CHD9: variants seen among roughly 807,000 people sequenced by gnomAD.
CHD9 encodes chromodomain helicase DNA binding protein 9.
A neutral mutation model predicts 316.1 loss-of-function variants in CHD9; 77 were observed. The observed-to-expected ratio is 0.24, with a 90% CI of 0.20 to 0.29. CHD9 has a LOEUF of 0.29. Ranked by LOEUF, CHD9 falls within the 10% of genes least tolerant of loss-of-function variation. The pLI, the probability that CHD9 is intolerant of heterozygous loss-of-function variation, is 1.00. For missense variants in CHD9, 2,763 were observed against 3,438.1 expected (o/e 0.80, Z 4.91); for synonymous variants, 1,129 against 1,158.3 (o/e 0.97, Z 0.51).
chr16:53,306,429 ATTT>A (rs1457812502), intron 32 of CHD9, 32 bp downstream of exon 32: 1 of 1,497,242 alleles, frequency 6.7e-7, no homozygotes. Context: ...GGGATAGGTC[ATTT>A]TTTAGTATTT....
intron 1 of CHD9, among the ~76,000 whole-genome samples, chr16:53,122,825 G>A (rs2038801757): frequency 6.6e-6 from 1 of 151,844 alleles, no homozygotes; most frequent in Admixed American, 6.6e-5. Context: ...TCCTGCCTCA[G>A]CCTCCCGAGT....
At chr16:53,239,342 T>C (rs530579599) in intron 12 of CHD9, among the ~76,000 whole-genome samples, 2 of 152,020 alleles carry the variant, frequency 1.3e-5, no homozygotes, top group Non-Finnish European at 2.9e-5. Flanking sequence ...CTTAACACTT[T>C]GGGAGGCCGA....
At chr16:53,223,880 C>T (rs1413193844) in intron 4 of CHD9, among the ~76,000 whole-genome samples, 2 of 151,826 alleles carry the variant, frequency 1.3e-5, no homozygotes, top group Non-Finnish European at 2.9e-5. Context: ...CTTTTAACCA[C>T]GTTGGAAACT....
chr16:53,221,177 C>T (rs547378864), intron 3 of CHD9, among the ~76,000 whole-genome samples: 9 of 152,188 alleles, frequency 5.9e-5, no homozygotes, highest in Non-Finnish European at 1.3e-4. Context: ...CAAGACTGTG[C>T]TAAGAGCCAA....
chr16:53,195,389 A>G (rs75858418), intron 2 of CHD9, among the ~76,000 whole-genome samples: 2,510 of 152,322 alleles, frequency 0.016, 79 homozygotes, highest in African/African-American at 0.057. Context: ...AAATTACCAC[A>G]TATTTAGTCT....
intron 1 of CHD9, among the ~76,000 whole-genome samples, chr16:53,091,010 C>CG (rs2035895815): frequency 6.8e-6 from 1 of 146,556 alleles, no homozygotes; most frequent in Non-Finnish European, 1.5e-5. Flanking sequence ...CACCCCCCCC[C>CG]GACTGACCGC....
chr16:53,208,355 A>G (rs1013554299), intron 2 of CHD9: 6 of 1,279,140 alleles, frequency 4.7e-6, no homozygotes, highest in Non-Finnish European at 6.1e-6. Flanking sequence ...AGGGTAAGTG[A>G]AAGCCTGAAT....
chr16:53,060,761 A>C (rs2032777840), intron 1 of CHD9, among the ~76,000 whole-genome samples: 1 of 151,904 alleles, frequency 6.6e-6, no homozygotes, highest in Admixed American at 6.6e-5. Context: ...GTCTCAAAAA[A>C]CAAACGAAAA....
intron 8 of CHD9, among the ~76,000 whole-genome samples, chr16:53,230,085 A>G (rs894031440): frequency 6.6e-6 from 1 of 152,168 alleles, no homozygotes; most frequent in African/African-American, 2.4e-5. Flanking sequence ...TAAAGGGTAC[A>G]GCTCATTTTG....
Position 53,192,975 on chromosome 16 carries a change from C to T in CHD9, c.1453-16507C>T, listed in dbSNP as rs546585160. Among the ~76,000 whole-genome samples the T allele has an allele frequency of 1.4e-4, 21 of 151,928 alleles. No individual in the cohort carries two copies. The South Asian group carries it at 2.7e-3, about 20-fold the overall frequency. ...TTTTTGTTAACCATATGTTTTCACTCTCGGGTAAATATATAAGTGTAAAAT... is the reference window on the plus strand; with the variant it reads ...TTTTTGTTAACCATATGTTTTCACTTTCGGGTAAATATATAAGTGTAAAAT... On this transcript the variant is annotated intron_variant, in intron 2 of 38. Coordinates refer to ENST00000447540, the MANE Select transcript of CHD9 (RefSeq NM_001308319.2).
Position 53,146,426 on chromosome 16 carries a change from T to TATATATATAATAAA in CHD9, c.-164-9491_-164-9490insATAAAATATATATA, listed in dbSNP as rs1367447378. Among the ~76,000 whole-genome samples, 6 of 129,272 alleles carry TATATATATAATAAA rather than the reference T, an allele frequency of 4.6e-5. 1 individual carries two copies. Among genetic ancestry groups the TATATATATAATAAA allele is most frequent in the Non-Finnish European group, 6.4e-5 (4 of 62,160 alleles). 84.8% of individuals were successfully genotyped at this position (129,272 alleles called of 152,430 possible). On this transcript the variant is annotated intron_variant, in intron 1 of 38. Transcript: ENST00000447540. Reference sequence around the variant, plus strand: ...AATTGTGTGTGTGTGTATGTATATATATATATATATAATTAAAAAGTTCCA... The same window carrying TATATATATAATAAA: ...AATTGTGTGTGTGTGTATGTATATATATATATATAATAAAATATATATATAATTAAAAAGTTCCA...
intron 1 of CHD9, among the ~76,000 whole-genome samples, chr16:53,105,297 G>A (rs1313183265): frequency 2.0e-5 from 3 of 151,884 alleles, no homozygotes; most frequent in Non-Finnish European, 2.9e-5. Context: ...TTTCTTATGG[G>A]CCTTTCCAGA....
chr16:53,273,086 CAAAA>C (rs35764863), intron 22 of CHD9, among the ~76,000 whole-genome samples: 2 of 136,380 alleles, frequency 1.5e-5, no homozygotes, highest in Non-Finnish European at 3.2e-5. Flanking sequence ...GACTCTGTCT[CAAAA>C]AAAACAAAAC....
At chr16:53,107,765 C>T (rs1408318606) in intron 1 of CHD9, among the ~76,000 whole-genome samples, 1 of 152,106 alleles carries the variant, frequency 6.6e-6, no homozygotes, top group Non-Finnish European at 1.5e-5. Context: ...ATTTATCAAA[C>T]CTTTATTGAG....
intron 2 of CHD9, among the ~76,000 whole-genome samples, chr16:53,203,263 A>G (rs2045607480): frequency 6.6e-6 from 1 of 152,218 alleles, no homozygotes; most frequent in African/African-American, 2.4e-5. Context: ...AATTATCTTT[A>G]TAATACCAAA....
chr16:53,157,589 C>T (rs751714150), intron 2 of CHD9, 48 bp downstream of exon 2: 7 of 1,527,710 alleles, frequency 4.6e-6, no homozygotes, highest in Non-Finnish European at 6.2e-6. Flanking sequence ...GTAGGGCGGA[C>T]TGTTAGTCAT....
chr16:53,249,342 A>G (rs2049943541), intron 16 of CHD9, among the ~76,000 whole-genome samples: 1 of 152,254 alleles, frequency 6.6e-6, no homozygotes, highest in South Asian at 2.1e-4. Flanking sequence ...TGAGTTTTGT[A>G]TATGTTAAAT....
intron 1 of CHD9, among the ~76,000 whole-genome samples, chr16:53,145,097 A>G (rs1288542251): frequency 6.6e-6 from 1 of 151,882 alleles, no homozygotes; most frequent in Non-Finnish European, 1.5e-5. Context: ...TTCAGAATAC[A>G]TTGGTTAGAA....
intron 1 of CHD9, among the ~76,000 whole-genome samples, chr16:53,058,709 A>C (rs2032478427): frequency 6.6e-6 from 1 of 152,124 alleles, no homozygotes; most frequent in Non-Finnish European, 1.5e-5. Flanking sequence ...CGCCTTTGAG[A>C]GATGATGAAA....
Sources: gnomAD v4.1 joint callset for allele counts (sites outside exome capture counted in the v4.1 genomes callset) on GRCh38, gnomAD v4.1.1 for gene constraint, MANE v1.5 for transcripts, NCBI Gene and HGNC (gene_info 2026-07-23, HGNC 2026-07-21) for gene names.